The following CSMD3 variants were observed in gnomAD, a reference collection of about 807,000 sequenced individuals.
CSMD3 encodes the protein CUB and Sushi multiple domains 3, also known as CUB and sushi domain-containing protein 3.
A neutral mutation model predicts 435.2 loss-of-function variants in CSMD3; 177 were observed. The observed-to-expected ratio is 0.41, with a 90% CI of 0.36 to 0.46. CSMD3 has a LOEUF of 0.46. CSMD3 is among the 20% of genes least tolerant of loss of function. The pLI is 0.34. For missense variants in CSMD3, 4,265 were observed against 4,504.6 expected (o/e 0.95, Z 1.52); for synonymous variants, 1,656 against 1,520.5 (o/e 1.09, Z -2.07).
intron 13 of CSMD3, among the ~76,000 whole-genome samples, chr8:112,797,348 T>C (rs991453078): frequency 6.6e-5 from 10 of 151,924 alleles, no homozygotes; most frequent in African/African-American, 2.2e-4. Context: ...TTAATCTTTT[T>C]TCTATTTTGA....
intron 13 of CSMD3, among the ~76,000 whole-genome samples, chr8:112,724,328 A>G: frequency 6.6e-6 from 1 of 152,032 alleles, no homozygotes; most frequent in East Asian, 1.9e-4. Context: ...TATTGCCTTA[A>G]TCCTGGTGCC....
At chr8:113,422,392 G>T (rs557914299) in intron 1 of CSMD3, among the ~76,000 whole-genome samples, 7 of 152,158 alleles carry the variant, frequency 4.6e-5, no homozygotes, top group Non-Finnish European at 1.0e-4. Flanking sequence ...TTCTTAGAGA[G>T]CTTGCTGATC....
chr8:112,450,657 T>C (rs987722609), intron 32 of CSMD3, among the ~76,000 whole-genome samples: 1 of 152,170 alleles, frequency 6.6e-6, no homozygotes, highest in East Asian at 1.9e-4. Flanking sequence ...GAGGCTTCTA[T>C]GGAATGTCTT....
intron 5 of CSMD3, among the ~76,000 whole-genome samples, chr8:113,023,349 T>C (rs1564220561): frequency 6.6e-6 from 1 of 152,058 alleles, no homozygotes; most frequent in Non-Finnish European, 1.5e-5. Flanking sequence ...TCCATGACTT[T>C]GTATCCCTCT....
chr8:112,876,570 A>G (rs1457797208), intron 10 of CSMD3, among the ~76,000 whole-genome samples: 2 of 152,174 alleles, frequency 1.3e-5, no homozygotes, highest in Non-Finnish European at 2.9e-5. Context: ...AAAGAGAACT[A>G]ATGACAAAAA....
At chr8:113,398,620 G>T (rs2094494761) in intron 1 of CSMD3, among the ~76,000 whole-genome samples, 1 of 151,994 alleles carries the variant, frequency 6.6e-6, no homozygotes, top group Admixed American at 6.6e-5. Flanking sequence ...TTTTCATCTA[G>T]GACATCATGT....
chr8:112,932,702 G>A (rs763053065), intron 9 of CSMD3, among the ~76,000 whole-genome samples: 3 of 152,038 alleles, frequency 2.0e-5, no homozygotes, highest in African/African-American at 4.8e-5. Context: ...GTGGGAGGGG[G>A]TACAAAGAGA....
intron 11 of CSMD3, among the ~76,000 whole-genome samples, chr8:112,850,564 A>T (rs1047896060): frequency 1.3e-5 from 2 of 152,194 alleles, no homozygotes; most frequent in African/African-American, 4.8e-5. Flanking sequence ...CATATGTTGA[A>T]ACATCATTTG....
rs780988317 is a variant in CSMD3 at position 113,414,651 on chromosome 8, CAA to C, written c.178+22024_178+22025del. Among the ~76,000 whole-genome samples the C allele has an allele frequency of 8.7e-3, 740 of 85,052 alleles. 2 individuals are homozygous for C. Among genetic ancestry groups the C allele is most frequent in the Middle Eastern group, 0.021 (3 of 144 alleles). 55.8% of individuals were successfully genotyped at this position (85,052 alleles called of 152,430 possible). The stretch of plus-strand genomic sequence containing the variant: ...GCACATTTTCAAATGTGCCCAAATA[CAA>C]AAAAAAAAAAAAAAAAAAAAGTACT... On this transcript the variant is annotated intron_variant, in intron 1 of 70. Coordinates refer to ENST00000297405, the MANE Select transcript of CSMD3 (RefSeq NM_198123.2).
Position 112,301,946 on chromosome 8 carries a change from G to C in CSMD3, c.8287C>G (p.Pro2763Ala), listed in dbSNP as rs2130759609. 1 of 1,608,398 alleles carries C rather than the reference G, an allele frequency of 6.2e-7. No homozygotes were observed. Among genetic ancestry groups the C allele is most frequent in the South Asian group, 1.1e-5 (1 of 90,928 alleles). Residue 2763 changes from proline (P) to alanine (A), a missense_variant, in exon 53 of 71, where the codon CCT becomes GCT. This residue lies in a region of CSMD3 where 3,255 missense variants were observed against 3,380.2 expected (regional missense o/e 0.96). Transcript: ENST00000297405. ...ATCTTATTTCCATTTGGAGGTGTAGGTAGTTCTCCACAGGAAATAACTTTA... is the reference window on the plus strand; with the variant it reads ...ATCTTATTTCCATTTGGAGGTGTAGCTAGTTCTCCACAGGAAATAACTTTA... ...YCQIISCGEL[P>A]TPPNGNKIGT...
At chr8:113,087,674 G>T (rs960601157) in intron 5 of CSMD3, among the ~76,000 whole-genome samples, 9 of 151,018 alleles carry the variant, frequency 6.0e-5, no homozygotes, top group African/African-American at 2.2e-4. Flanking sequence ...GCTGAAACTG[G>T]ATCCCTTCCT....
chr8:113,216,043 A>G (rs757565146), intron 3 of CSMD3, among the ~76,000 whole-genome samples: 4 of 151,868 alleles, frequency 2.6e-5, no homozygotes, highest in Non-Finnish European at 4.4e-5. Context: ...CTGGAAATAT[A>G]TTAAAATGTA....
chr8:112,641,369 T>C (rs1230650074), intron 20 of CSMD3, among the ~76,000 whole-genome samples: 1 of 152,180 alleles, frequency 6.6e-6, no homozygotes, highest in African/African-American at 2.4e-5. Flanking sequence ...CATTATAGAA[T>C]ATAAATATTT....
intron 32 of CSMD3, among the ~76,000 whole-genome samples, chr8:112,451,714 A>G (rs898750798): frequency 1.3e-5 from 2 of 151,936 alleles, no homozygotes; most frequent in African/African-American, 4.8e-5. Context: ...AATTTTGTAC[A>G]TTTAGTAGAG....
chr8:113,278,058 G>C (rs974911442), intron 3 of CSMD3, among the ~76,000 whole-genome samples: 7 of 151,892 alleles, frequency 4.6e-5, no homozygotes, highest in African/African-American at 9.7e-5. Context: ...TGCCAACTGA[G>C]TTTGTACCAA....
intron 27 of CSMD3, among the ~76,000 whole-genome samples, chr8:112,519,983 C>T (rs1049397520): frequency 6.6e-5 from 10 of 152,022 alleles, no homozygotes; most frequent in South Asian, 4.1e-4. Flanking sequence ...TAAAATCAGA[C>T]GAGCAGTTAT....
At chr8:113,069,791 T>C (rs1217628807) in intron 5 of CSMD3, among the ~76,000 whole-genome samples, 1 of 152,118 alleles carries the variant, frequency 6.6e-6, no homozygotes, top group Non-Finnish European at 1.5e-5. Context: ...CATGCCACTT[T>C]CAAGTTAAGG....
chr8:112,778,787 G>T (rs1456636438), intron 13 of CSMD3, among the ~76,000 whole-genome samples: 2 of 151,830 alleles, frequency 1.3e-5, no homozygotes, highest in Non-Finnish European at 2.9e-5. Flanking sequence ...ATACCATTTT[G>T]CATTTCCACC....
At chr8:112,850,979 T>A (rs2080466618) in intron 11 of CSMD3, among the ~76,000 whole-genome samples, 1 of 152,224 alleles carries the variant, frequency 6.6e-6, no homozygotes, top group Non-Finnish European at 1.5e-5. Flanking sequence ...GAGTTTTGTG[T>A]AGTTATTACT....
Sources: gnomAD v4.1 joint callset for allele counts (sites outside exome capture counted in the v4.1 genomes callset) on GRCh38, gnomAD v4.1.1 for gene constraint, gnomAD v4.1.1 regional missense constraint, MANE v1.5 for transcripts, NCBI Gene and HGNC (gene_info 2026-07-23, HGNC 2026-07-21) for gene names.